LRP1B: variants seen among roughly 807,000 people sequenced by gnomAD.
The protein encoded by LRP1B is LDL receptor related protein 1B.
In LRP1B, 217 loss-of-function variants were observed where a neutral mutation model predicts 556.6. The ratio of observed to expected loss-of-function variants is 0.39; its 90% CI spans 0.35 to 0.44. LRP1B has a LOEUF of 0.44. Among genes scored for constraint, LRP1B ranks in the 20% least tolerant of loss-of-function variants. The probability of loss-of-function intolerance (pLI) is 1.00; values close to 1 mark genes in which losing one functional copy is unlikely to be tolerated. For synonymous variants in LRP1B, 2,047 were observed against 1,865.8 expected, an observed-to-expected ratio of 1.10 and a Z score of -2.50; for missense variants, 5,053 against 5,620.8, an observed-to-expected ratio of 0.90 and a Z score of 3.23.
intron 15 of LRP1B, 23 bp downstream of exon 15, chr2:141,005,312 A>T (rs1697540398): frequency 1.2e-6 from 2 of 1,606,328 alleles, no homozygotes; most frequent in Non-Finnish European, 1.7e-6. Context: ...TAAACAAATA[A>T]GGGTAACTTG....
chr2:140,322,745 C>A (rs568803158), intron 81 of LRP1B, among the ~76,000 whole-genome samples: 1 of 151,808 alleles, frequency 6.6e-6, no homozygotes, highest in Non-Finnish European at 1.5e-5. Flanking sequence ...TTGACCTTTC[C>A]TAGAGATTAT....
At chr2:142,026,952 C>G (rs941623006) in intron 1 of LRP1B, among the ~76,000 whole-genome samples, 2 of 151,962 alleles carry the variant, frequency 1.3e-5, no homozygotes, top group Non-Finnish European at 2.9e-5. Context: ...GAGCACTCAG[C>G]CAAAATTTCT....
chr2:141,317,178 G>A (rs184233529), intron 3 of LRP1B, among the ~76,000 whole-genome samples: 52 of 152,272 alleles, frequency 3.4e-4, no homozygotes, highest in African/African-American at 1.1e-3. Context: ...CTAGACCTAA[G>A]AATTATTGCT....
At chr2:140,424,855 T>G (rs897760766) in intron 66 of LRP1B, among the ~76,000 whole-genome samples, 4 of 152,236 alleles carry the variant, frequency 2.6e-5, no homozygotes, top group Admixed American at 2.6e-4. Context: ...CAGTCAAGGA[T>G]AAAGAGAGCT....
chr2:140,891,475 T>C (rs1243919463), intron 23 of LRP1B, among the ~76,000 whole-genome samples: 11 of 152,188 alleles, frequency 7.2e-5, no homozygotes, highest in Admixed American at 7.2e-4. Context: ...ACTGTTACAA[T>C]GTTTTCTCTC....
intron 2 of LRP1B, among the ~76,000 whole-genome samples, chr2:141,740,723 G>A (rs1434659904): frequency 6.6e-6 from 1 of 152,168 alleles, no homozygotes; most frequent in Non-Finnish European, 1.5e-5. Flanking sequence ...AATTGTGGCT[G>A]TGGACTCTGA....
intron 6 of LRP1B, among the ~76,000 whole-genome samples, chr2:141,223,777 T>A (rs540277705): frequency 1.9e-3 from 289 of 152,246 alleles, no homozygotes; most frequent in African/African-American, 6.5e-3. Flanking sequence ...AAACAAGCAA[T>A]GGGGAAATGA....
chr2:141,217,960 G>A (rs992870923), intron 6 of LRP1B, among the ~76,000 whole-genome samples: 3 of 151,972 alleles, frequency 2.0e-5, no homozygotes, highest in African/African-American at 7.2e-5. Flanking sequence ...ATATACAAGT[G>A]GCCCAAAAAC....
chr2:140,466,212 A>G (rs1687544146), intron 60 of LRP1B, among the ~76,000 whole-genome samples: 1 of 151,204 alleles, frequency 6.6e-6, no homozygotes, highest in Admixed American at 6.6e-5. Context: ...GGAATATGTG[A>G]ACACAAAATA....
At chr2:140,803,022 T>A (rs1485465655) in intron 32 of LRP1B, among the ~76,000 whole-genome samples, 1 of 152,142 alleles carries the variant, frequency 6.6e-6, no homozygotes, top group Non-Finnish European at 1.5e-5. Context: ...CTAGCCTTCA[T>A]CCAGGGCCAA....
intron 86 of LRP1B, among the ~76,000 whole-genome samples, chr2:140,267,577 G>A (rs746693526): frequency 7.2e-5 from 11 of 151,862 alleles, no homozygotes; most frequent in African/African-American, 1.4e-4. Context: ...AATTGTGTCC[G>A]TGCTGAGCCT....
intron 1 of LRP1B, among the ~76,000 whole-genome samples, chr2:141,886,199 A>G (rs1407235735): frequency 6.6e-6 from 1 of 152,172 alleles, no homozygotes; most frequent in African/African-American, 2.4e-5. Flanking sequence ...CATGCCTGTA[A>G]TGACAGGAAT....
At chr2:142,055,365 T>G (rs184408577) in intron 1 of LRP1B, among the ~76,000 whole-genome samples, 8 of 152,256 alleles carry the variant, frequency 5.3e-5, no homozygotes, top group South Asian at 2.1e-4. Flanking sequence ...GCATATTGAA[T>G]AGTCCAACAT....
chr2:141,233,694 A>T (rs1478695836), intron 5 of LRP1B, among the ~76,000 whole-genome samples: 2 of 152,166 alleles, frequency 1.3e-5, no homozygotes, highest in Non-Finnish European at 2.9e-5. Context: ...TGTGCTAAAT[A>T]AATGTTTTCA....
chr2:141,777,556 C>T (rs1393751268), intron 2 of LRP1B, among the ~76,000 whole-genome samples: 1 of 152,020 alleles, frequency 6.6e-6, no homozygotes, highest in African/African-American at 2.4e-5. Context: ...GATGGGATTA[C>T]AGGTGTGGGC....
intron 2 of LRP1B, among the ~76,000 whole-genome samples, chr2:141,607,185 C>T (rs1005410470): frequency 2.0e-5 from 3 of 151,642 alleles, no homozygotes; most frequent in Non-Finnish European, 2.9e-5. Context: ...AATAGAAAAT[C>T]GTTCTCAACA....
At chr2:141,141,212 G>A (rs140611823) in intron 7 of LRP1B, among the ~76,000 whole-genome samples, 2,257 of 152,154 alleles carry the variant, frequency 0.015, 23 homozygotes, top group Middle Eastern at 0.044. Flanking sequence ...GTTAATCGTC[G>A]GACAAATCAG....
intron 66 of LRP1B, among the ~76,000 whole-genome samples, chr2:140,410,344 T>C (rs1238394050): frequency 6.6e-6 from 1 of 151,952 alleles, no homozygotes. Context: ...GTCAACAAAG[T>C]ATTGATTTTT....
At position 140,744,476 on chromosome 2, in the gene LRP1B, G is replaced by A. The variant is rs145804771; in HGVS notation, c.5758+24737C>T. The stretch of plus-strand genomic sequence containing the variant: ...AGTCATACATATGGTCTAAGAAGCA[G>A]AAGACATGAAGTCAAGCTCCACACA... On this transcript the variant is annotated intron_variant, in intron 35 of 90. Coordinates refer to ENST00000389484, the MANE Select transcript of LRP1B (RefSeq NM_018557.3). Among the ~76,000 whole-genome samples the A allele has an allele frequency of 1.6e-3, 236 of 152,250 alleles. 2 individuals carry two copies. Among genetic ancestry groups the A allele is most frequent in the African/African-American group, 5.5e-3 (227 of 41,534 alleles).
Sources: allele counts gnomAD v4.1 joint callset (sites outside exome capture counted in the v4.1 genomes callset), GRCh38; gene constraint gnomAD v4.1.1; transcripts MANE v1.5; gene names NCBI Gene and HGNC (gene_info 2026-07-23, HGNC 2026-07-21).